Variants in PAN3 observed in about 807,000 individuals in gnomAD.
The protein encoded by PAN3 is PAN2-PAN3 deadenylation complex subunit PAN3.
PAN3 carries 19 observed loss-of-function variants against 96.2 expected under a neutral mutation model. That is an observed-to-expected ratio of 0.20 (90% CI 0.14 to 0.29). PAN3 has a LOEUF of 0.29. PAN3 is among the 10% of genes least tolerant of loss of function. PAN3 has a pLI of 1.00. For missense variants in PAN3, 882 were observed against 1,108.1 expected (o/e 0.80, Z 2.90); for synonymous variants, 433 against 406.6 (o/e 1.06, Z -0.78).
At chr13:28,264,247 AAG>A (rs1236122882) in intron 9 of PAN3, among the ~76,000 whole-genome samples, 1 of 152,180 alleles carries the variant, frequency 6.6e-6, no homozygotes, top group Non-Finnish European at 1.5e-5. Flanking sequence ...AGATATAAAA[AAG>A]AAAAACGCGC....
chr13:28,210,605 T>C (rs1028786759), intron 5 of PAN3, among the ~76,000 whole-genome samples: 2 of 148,584 alleles, frequency 1.3e-5, no homozygotes, highest in Non-Finnish European at 3.0e-5. Context: ...CACTTTTAAC[T>C]TTTTTTTTTA....
intron 6 of PAN3, among the ~76,000 whole-genome samples, chr13:28,227,843 A>G (rs1882163618): frequency 6.6e-6 from 1 of 152,182 alleles, no homozygotes; most frequent in East Asian, 1.9e-4. Flanking sequence ...CCTTTGTTTC[A>G]TAGGTGGAGA....
chr13:28,218,553 ATAGT>A (rs1460612788), intron 5 of PAN3, among the ~76,000 whole-genome samples: 5 of 152,306 alleles, frequency 3.3e-5, no homozygotes, highest in South Asian at 2.1e-4. Context: ...GTAACTCTTA[ATAGT>A]TAGGTTAATT....
At chr13:28,232,918 G>C (rs1882726829) in intron 6 of PAN3, among the ~76,000 whole-genome samples, 1 of 152,092 alleles carries the variant, frequency 6.6e-6, no homozygotes, top group Admixed American at 6.5e-5. Context: ...AATGATTTGT[G>C]AGTGTACATA....
chr13:28,266,817 C>G lies in PAN3; in HGVS notation c.1514C>G (p.Ser505Cys), dbSNP rs1566244378. The G allele has an allele frequency of 6.2e-7, 1 of 1,611,666 alleles. No individual in the cohort carries two copies. Among genetic ancestry groups the G allele is most frequent in the Non-Finnish European group, 8.5e-7 (1 of 1,179,026 alleles). The change falls in exon 10 of 19, where the codon TCT (serine) becomes TGT (cysteine). Residue 505 changes from serine (S) to cysteine (C), a missense_variant. Physicochemically the swap from Ser to Cys is moderately radical, Grantham distance 112. Transcript: ENST00000380958. Reference sequence around the variant, plus strand: ...TCAAGTAATTTTGGATATATTACATCTTGCTACAAAGCTGTAAACAGCAAA... The same window carrying G: ...TCAAGTAATTTTGGATATATTACATGTTGCTACAAAGCTGTAAACAGCAAA... ...QKSSNFGYIT[S>C]CYKAVNSKDD...
chr13:28,174,298 A>G lies in PAN3; in HGVS notation c.457A>G (p.Thr153Ala), dbSNP rs769053603. 1.9e-6 allele frequency: 3 copies of G among 1,612,890 alleles called. No individual in the cohort carries two copies. Among genetic ancestry groups the G allele is most frequent in the Non-Finnish European group, 2.5e-6 (3 of 1,178,964 alleles). The change falls in exon 2 of 19, where the codon ACT (threonine) becomes GCT (alanine). Residue 153 changes from threonine (T) to alanine (A), a missense_variant. Around this residue, in one of 3 missense-constraint regions of PAN3, gnomAD observed 442 missense variants for 422.8 expected, o/e 1.05. Transcript: ENST00000380958. ...AIPGMDGGAL[T>A]DTSLTDSYFS... is the part of the protein sequence containing the mutation. The stretch of plus-strand genomic sequence containing the variant: ...TCCAGGAATGGATGGAGGTGCTTTA[A>G]CTGATACAAGTCTCACAGATTCCTA...
intron 1 of PAN3, among the ~76,000 whole-genome samples, chr13:28,153,644 T>C (rs1256328533): frequency 6.6e-6 from 1 of 152,210 alleles, no homozygotes; most frequent in East Asian, 1.9e-4. Flanking sequence ...GATTTCTGTA[T>C]TTCTGAATAT....
rs776461410 is a variant in PAN3 at position 28,256,435 on chromosome 13, C to T, written c.1144C>T (p.Pro382Ser). The change falls in exon 7 of 19, where the codon CCT becomes TCT. Residue 382 changes from proline to serine, a missense_variant. Transcript: ENST00000380958. ...TAGTGCCTCTACATCTGTTAATAAT[C>T]CTGTTTCTCAGACTCCGTCTTCTGG... ...PSSASTSVNN[P>S]VSQTPSSGQV... The T allele has an allele frequency of 1.2e-6, 2 of 1,614,046 alleles. No homozygotes were observed. Among genetic ancestry groups the T allele is most frequent in the Admixed American group, 3.3e-5 (2 of 60,004 alleles).
chr13:28,268,555 T>C (rs1156997497), intron 12 of PAN3, among the ~76,000 whole-genome samples: 1 of 152,156 alleles, frequency 6.6e-6, no homozygotes, highest in Non-Finnish European at 1.5e-5. Flanking sequence ...TGTTAAAGGG[T>C]AAATGATTTC....
chr13:28,210,860 T>C (rs1879943202), intron 5 of PAN3, among the ~76,000 whole-genome samples: 1 of 152,102 alleles, frequency 6.6e-6, no homozygotes, highest in Admixed American at 6.6e-5. Flanking sequence ...CACTGGAGAC[T>C]AGTAAAATTA....
chr13:28,243,613 T>C (rs1883883810), intron 6 of PAN3, among the ~76,000 whole-genome samples: 1 of 152,226 alleles, frequency 6.6e-6, no homozygotes, highest in South Asian at 2.1e-4. Flanking sequence ...TTAAACTTTT[T>C]TTTTTAATCT....
chr13:28,288,202 A>C lies in PAN3; in HGVS notation c.2523+80A>C, dbSNP rs566663245. 2.3e-6 allele frequency: 3 copies of C among 1,282,306 alleles called. No individual in the cohort carries two copies. The East Asian group carries it at 7.4e-5, about 32-fold the overall frequency. The allele number at this position is 1,282,306 out of a possible 1,614,324, so 79.4% of individuals were successfully genotyped here. The stretch of plus-strand genomic sequence containing the variant: ...GTTGTATCTTCTACAAATACTAGGA[A>C]ACTTAAGAAATCAGGATGTACTCTT... On this transcript the variant is annotated intron_variant, in intron 18 of 18. Transcript: ENST00000380958.
chr13:28,274,594 T>G (rs1232964625), intron 14 of PAN3, among the ~76,000 whole-genome samples: 1 of 151,982 alleles, frequency 6.6e-6, no homozygotes, highest in Non-Finnish European at 1.5e-5. Context: ...AAACAAAACT[T>G]TTCATAAGAA....
At chr13:28,192,787 T>C (rs1877459716) in intron 4 of PAN3, among the ~76,000 whole-genome samples, 1 of 152,240 alleles carries the variant, frequency 6.6e-6, no homozygotes, top group Admixed American at 6.5e-5. Context: ...AGTACATTTT[T>C]TTCTTCAGGG....
At chr13:28,217,128 T>A (rs1244240561) in intron 5 of PAN3, among the ~76,000 whole-genome samples, 19 of 144,576 alleles carry the variant, frequency 1.3e-4, no homozygotes, top group Admixed American at 4.1e-4. Context: ...AAAAAAAAAA[T>A]GATAATAATT....
intron 5 of PAN3, among the ~76,000 whole-genome samples, chr13:28,212,431 A>G (rs1880156106): frequency 6.6e-6 from 1 of 152,236 alleles, no homozygotes; most frequent in Non-Finnish European, 1.5e-5. Flanking sequence ...CCCAGCAGAT[A>G]AAAGTCACAT....
chr13:28,182,984 A>G (rs925270812), intron 4 of PAN3, among the ~76,000 whole-genome samples: 2 of 152,200 alleles, frequency 1.3e-5, no homozygotes, highest in Non-Finnish European at 2.9e-5. Flanking sequence ...TAGGCAAGCA[A>G]ATATGGAATA....
At chr13:28,157,495 A>G (rs747492330) in intron 1 of PAN3, among the ~76,000 whole-genome samples, 7 of 152,220 alleles carry the variant, frequency 4.6e-5, no homozygotes, top group Non-Finnish European at 1.0e-4. Context: ...AAATCTGACA[A>G]ACAACTTCAG....
chr13:28,223,915 C>T (rs1384536824), intron 6 of PAN3, among the ~76,000 whole-genome samples: 2 of 108,740 alleles, frequency 1.8e-5, no homozygotes, highest in Non-Finnish European at 3.4e-5. Flanking sequence ...GAGTCTCTCT[C>T]TGTCTCCCAG....
Sources: gnomAD v4.1 joint callset for allele counts (sites outside exome capture counted in the v4.1 genomes callset) on GRCh38, gnomAD v4.1.1 for gene constraint, gnomAD v4.1.1 regional missense constraint, MANE v1.5 for transcripts, NCBI Gene and HGNC (gene_info 2026-07-23, HGNC 2026-07-21) for gene names.